Variants in NIM1K observed in about 807,000 individuals in gnomAD.
The protein encoded by NIM1K is serine/threonine-protein kinase NIM1.
In NIM1K, 35 loss-of-function variants were observed where a neutral mutation model predicts 37.1. The observed-to-expected ratio is 0.94, with a 90% CI of 0.72 to 1.25. The LOEUF is 1.25. Ranked by LOEUF, NIM1K falls within the 50% of genes most tolerant of loss-of-function variation. The pLI is 0.00. For missense variants in NIM1K, 564 were observed against 548.0 expected, an observed-to-expected ratio of 1.03 and a Z score of -0.29; for synonymous variants, 234 against 206.6, an observed-to-expected ratio of 1.13 and a Z score of -1.14.
At chr5:43,241,554 G>T (rs1236912177) in intron 1 of NIM1K, among the ~76,000 whole-genome samples, 4 of 151,734 alleles carry the variant, frequency 2.6e-5, no homozygotes, top group African/African-American at 9.7e-5. Context: ...TTGGCCAGGA[G>T]GATATCGATC....
Position 43,260,957 on chromosome 5 carries a change from T to C in NIM1K, c.292+14890T>C, listed in dbSNP as rs1303164809. Among the ~76,000 whole-genome samples, 6 of 152,246 alleles carry C rather than the reference T, an allele frequency of 3.9e-5. No homozygotes were observed. In the East Asian group the frequency reaches 9.6e-4, roughly 24 times the overall value. ...ACATGAACTCATCCTTTTTTATGAC[T>C]GCATAGTATTCCATGGTGTATATAT... On this transcript the variant is annotated intron_variant, in intron 2 of 3. Transcript: ENST00000326035.
chr5:43,225,162 G>A (rs1268822995), intron 1 of NIM1K, among the ~76,000 whole-genome samples: 6 of 141,060 alleles, frequency 4.3e-5, no homozygotes, highest in Non-Finnish European at 7.6e-5. Flanking sequence ...TATTAGTTTA[G>A]TTTTTAGCTA....
chr5:43,266,787 C>G (rs556322328), intron 2 of NIM1K, among the ~76,000 whole-genome samples: 2 of 152,328 alleles, frequency 1.3e-5, no homozygotes, highest in East Asian at 3.9e-4. Context: ...TTCCCTCTAT[C>G]TCTGGGACAA....
chr5:43,208,834 T>C (rs1188946513), intron 1 of NIM1K, among the ~76,000 whole-genome samples: 3 of 152,188 alleles, frequency 2.0e-5, no homozygotes, highest in Non-Finnish European at 4.4e-5. Context: ...GAATCCTGGG[T>C]AAACACTGAC....
chr5:43,269,112 C>T (rs1359761548), intron 2 of NIM1K, among the ~76,000 whole-genome samples: 1 of 151,682 alleles, frequency 6.6e-6, no homozygotes, highest in Non-Finnish European at 1.5e-5. Flanking sequence ...AGTTCAAGAC[C>T]AGCCAGACAG....
intron 1 of NIM1K, chr5:43,243,055 G>T (rs981529339): frequency 6.6e-6 from 1 of 152,218 alleles, no homozygotes; most frequent in Admixed American, 6.5e-5. Context: ...ACCCACCTCA[G>T]CCTCCCAAAG....
chr5:43,202,516 A>T (rs574191267), intron 1 of NIM1K, among the ~76,000 whole-genome samples: 74 of 152,266 alleles, frequency 4.9e-4, no homozygotes, highest in African/African-American at 1.7e-3. Context: ...AAAAAATCCT[A>T]CAAGCCCCTC....
At chr5:43,232,938 A>G in intron 1 of NIM1K, 1 of 1,148,290 alleles carries the variant, frequency 8.7e-7, no homozygotes, top group Non-Finnish European at 1.3e-6. Context: ...TGCCAGTGCA[A>G]ACTTCATCAT....
intron 1 of NIM1K, among the ~76,000 whole-genome samples, chr5:43,200,603 A>G (rs1412088973): frequency 1.3e-5 from 2 of 152,078 alleles, no homozygotes; most frequent in African/African-American, 4.8e-5. Flanking sequence ...CCCGGCCAGT[A>G]GTAGTTACTA....
At chr5:43,258,255 C>T (rs1027371850) in intron 2 of NIM1K, among the ~76,000 whole-genome samples, 8 of 152,148 alleles carry the variant, frequency 5.3e-5, no homozygotes, top group Non-Finnish European at 4.4e-5. Flanking sequence ...GACTACCATC[C>T]ATACTGTTTT....
chr5:43,259,877 G>C (rs1277257497), intron 2 of NIM1K, among the ~76,000 whole-genome samples: 1 of 151,990 alleles, frequency 6.6e-6, no homozygotes, highest in Non-Finnish European at 1.5e-5. Context: ...ATGTCCAGTA[G>C]AGTTTTTCCT....
rs765779433 is a variant in NIM1K at position 43,277,779 on chromosome 5, C to CGTGTGTGT, written c.561+484_561+491dup. On this transcript the variant is annotated intron_variant, in intron 3 of 3. Coordinates refer to ENST00000326035, the MANE Select transcript of NIM1K (RefSeq NM_153361.4). ...CTCTCTCTCCCCCACCCCCCCTCTC[C>CGTGTGTGT]GTGTGTGTGTGTGTGTGTGTGTGTG... 2.4e-3 allele frequency among the ~76,000 whole-genome samples: 300 copies of CGTGTGTGT among 127,444 alleles called. No individual in the cohort carries two copies. The East Asian group carries it at 0.036, about 15-fold the overall frequency. The allele number at this position is 127,444 out of a possible 152,430, so 83.6% of individuals were successfully genotyped here.
At chr5:43,223,874 A>G (rs1752415682) in intron 1 of NIM1K, among the ~76,000 whole-genome samples, 1 of 152,210 alleles carries the variant, frequency 6.6e-6, no homozygotes. Flanking sequence ...AAGGCATCAA[A>G]GGTGATGTTT....
chr5:43,268,090 C>T (rs1388381890), intron 2 of NIM1K, among the ~76,000 whole-genome samples: 1 of 152,098 alleles, frequency 6.6e-6, no homozygotes, highest in Non-Finnish European at 1.5e-5. Flanking sequence ...TATCTCTTTC[C>T]TTAGGTCTAG....
intron 2 of NIM1K, among the ~76,000 whole-genome samples, chr5:43,276,252 C>A (rs1370138396): frequency 1.3e-5 from 2 of 152,198 alleles, no homozygotes; most frequent in Non-Finnish European, 2.9e-5. Context: ...GCAGGCTGTA[C>A]AGGAAGCGTG....
chr5:43,255,073 T>C (rs1050770861), intron 2 of NIM1K, among the ~76,000 whole-genome samples: 4 of 152,182 alleles, frequency 2.6e-5, no homozygotes, highest in Non-Finnish European at 4.4e-5. Context: ...TAATAACTTA[T>C]GGGATCCAAT....
chr5:43,223,179 C>G (rs1385653464), intron 1 of NIM1K, among the ~76,000 whole-genome samples: 1 of 144,654 alleles, frequency 6.9e-6, no homozygotes, highest in Non-Finnish European at 1.5e-5. Context: ...GTTATAAAAA[C>G]ATTCAGGAAA....
chr5:43,268,889 G>A (rs1348347102), intron 2 of NIM1K, among the ~76,000 whole-genome samples: 1 of 151,256 alleles, frequency 6.6e-6, no homozygotes, highest in African/African-American at 2.4e-5. Context: ...TAGATCAGAT[G>A]TCCCCCACTG....
intron 1 of NIM1K, among the ~76,000 whole-genome samples, chr5:43,204,793 G>A (rs1371489991): frequency 6.6e-6 from 1 of 151,852 alleles, no homozygotes; most frequent in East Asian, 1.9e-4. Flanking sequence ...GATTACTTGA[G>A]CCCAGGAGTT....
Sources: allele counts gnomAD v4.1 joint callset (sites outside exome capture counted in the v4.1 genomes callset), GRCh38; gene constraint gnomAD v4.1.1; transcripts MANE v1.5; gene names NCBI Gene and HGNC (gene_info 2026-07-23, HGNC 2026-07-21).